Variants in AP1S3 observed in about 807,000 individuals in gnomAD.
AP1S3 encodes the protein adaptor related protein complex 1 subunit sigma 3.
In AP1S3, 10 loss-of-function variants were observed where a neutral mutation model predicts 20.9. The observed-to-expected ratio is 0.48, with a 90% CI of 0.29 to 0.81. AP1S3 has a LOEUF of 0.81. Ranked by LOEUF, AP1S3 falls within the 30% of genes least tolerant of loss-of-function variation. The probability of loss-of-function intolerance (pLI) is 0.08; values close to 1 mark genes in which losing one functional copy is unlikely to be tolerated. For synonymous variants in AP1S3, 41 were observed against 61.5 expected (o/e 0.67, Z 1.56); for missense variants, 154 against 183.8 (o/e 0.84, Z 0.94).
chr2:223,788,451 A>AGT (rs1574703924), intron 1 of AP1S3, among the ~76,000 whole-genome samples: 2 of 151,184 alleles, frequency 1.3e-5, no homozygotes, highest in African/African-American at 4.9e-5. Flanking sequence ...TGACTCTACT[A>AGT]AAACTACAAA....
chr2:223,819,839 T>G (rs1165808053), intron 1 of AP1S3, among the ~76,000 whole-genome samples: 3 of 152,136 alleles, frequency 2.0e-5, no homozygotes, highest in African/African-American at 7.2e-5. Flanking sequence ...TTATATTTTC[T>G]GCTTTTTGAA....
At chr2:223,768,628 G>A (rs1690537589) in intron 3 of AP1S3, among the ~76,000 whole-genome samples, 1 of 152,128 alleles carries the variant, frequency 6.6e-6, no homozygotes, top group African/African-American at 2.4e-5. Context: ...GCTGAGGCAG[G>A]CAGATCACTT....
intron 4 of AP1S3, among the ~76,000 whole-genome samples, chr2:223,759,767 C>T (rs983006755): frequency 1.3e-5 from 2 of 152,136 alleles, no homozygotes; most frequent in Admixed American, 6.5e-5. Flanking sequence ...TCTCCCTCCT[C>T]CCACCCTCCA....
chr2:223,800,908 G>A (rs1485597660), intron 1 of AP1S3, among the ~76,000 whole-genome samples: 2 of 152,146 alleles, frequency 1.3e-5, no homozygotes, highest in African/African-American at 2.4e-5. Flanking sequence ...AAGGCCCAGA[G>A]ACCTGGTGAT....
At chr2:223,769,736 A>ATTTTTTTT (rs61207667) in intron 3 of AP1S3, among the ~76,000 whole-genome samples, 2 of 80,122 alleles carry the variant, frequency 2.5e-5, no homozygotes, top group Non-Finnish European at 4.5e-5. Context: ...ATGCAATCCC[A>ATTTTTTTT]TTTTTTTTTT....
intron 1 of AP1S3, among the ~76,000 whole-genome samples, chr2:223,823,612 T>C (rs1221520042): frequency 6.6e-6 from 1 of 152,130 alleles, no homozygotes; most frequent in Admixed American, 6.6e-5. Context: ...TGAGGAGATA[T>C]TGGTTGAAGG....
chr2:223,801,827 C>T (rs1691474081), intron 1 of AP1S3, among the ~76,000 whole-genome samples: 1 of 152,046 alleles, frequency 6.6e-6, no homozygotes. Context: ...AGCAGAGAGG[C>T]CAAAAGGCCT....
chr2:223,795,064 A>G (rs879519715), intron 1 of AP1S3, among the ~76,000 whole-genome samples: 1 of 152,188 alleles, frequency 6.6e-6, no homozygotes, highest in Non-Finnish European at 1.5e-5. Context: ...AGGCTGACCA[A>G]TATGGAGAAA....
At chr2:223,778,346 G>A (rs559992159) in intron 1 of AP1S3, among the ~76,000 whole-genome samples, 2 of 151,770 alleles carry the variant, frequency 1.3e-5, no homozygotes, top group East Asian at 1.9e-4. Context: ...GGCTGGTCTC[G>A]AACTCCTGAC....
At chr2:223,804,745 A>G (rs962160088) in intron 1 of AP1S3, among the ~76,000 whole-genome samples, 1 of 152,106 alleles carries the variant, frequency 6.6e-6, no homozygotes, top group Admixed American at 6.6e-5. Flanking sequence ...GTTTCTAGAA[A>G]TTACTAGAAT....
At chr2:223,791,486 C>T (rs1691216414) in intron 1 of AP1S3, among the ~76,000 whole-genome samples, 1 of 152,168 alleles carries the variant, frequency 6.6e-6, no homozygotes. Context: ...TTCAACATCC[C>T]TTCATGTTAA....
chr2:223,776,905 C>T (rs1327023531), intron 2 of AP1S3, among the ~76,000 whole-genome samples: 1 of 152,188 alleles, frequency 6.6e-6, no homozygotes, highest in Non-Finnish European at 1.5e-5. Context: ...GTACTCATTA[C>T]AAATTCAAGT....
At chr2:223,761,583 C>T (rs1206846731) in intron 4 of AP1S3, among the ~76,000 whole-genome samples, 1 of 152,162 alleles carries the variant, frequency 6.6e-6, no homozygotes, top group Non-Finnish European at 1.5e-5. Context: ...CACCACCATG[C>T]CTGGCTAATT....
chr2:223,819,244 G>A (rs1257039064), intron 1 of AP1S3, among the ~76,000 whole-genome samples: 3 of 152,158 alleles, frequency 2.0e-5, no homozygotes, highest in Non-Finnish European at 4.4e-5. Context: ...TAACATCTTT[G>A]ATTTCAAACA....
intron 1 of AP1S3, among the ~76,000 whole-genome samples, chr2:223,815,123 G>T (rs146898136): frequency 6.6e-6 from 1 of 152,240 alleles, no homozygotes; most frequent in African/African-American, 2.4e-5. Flanking sequence ...TTAGACTTTC[G>T]ATTGATTTTA....
chr2:223,833,123 C>T (rs1692315379), intron 1 of AP1S3, among the ~76,000 whole-genome samples: 1 of 152,098 alleles, frequency 6.6e-6, no homozygotes, highest in Non-Finnish European at 1.5e-5. Context: ...GTCACCTCAA[C>T]TTTTCAGAAG....
intron 1 of AP1S3, among the ~76,000 whole-genome samples, chr2:223,781,737 G>C (rs958962111): frequency 3.3e-5 from 5 of 152,044 alleles, no homozygotes; most frequent in Admixed American, 1.3e-4. Flanking sequence ...ACAAAGAATA[G>C]GGCTCAGCAT....
intron 3 of AP1S3, among the ~76,000 whole-genome samples, chr2:223,767,532 G>A (rs1690513476): frequency 6.6e-6 from 1 of 151,638 alleles, no homozygotes; most frequent in South Asian, 2.1e-4. Flanking sequence ...GTTCCTCAAG[G>A]GAGCCTCTTC....
intron 3 of AP1S3, chr2:223,770,130 C>T: frequency 6.6e-7 from 1 of 1,512,356 alleles, no homozygotes; most frequent in Non-Finnish European, 8.8e-7. Flanking sequence ...TAGAAAGAAA[C>T]AAAAAGAAAT....
Sources: gnomAD v4.1 joint callset for allele counts (sites outside exome capture counted in the v4.1 genomes callset) on GRCh38, gnomAD v4.1.1 for gene constraint, MANE v1.5 for transcripts, NCBI Gene and HGNC (gene_info 2026-07-23, HGNC 2026-07-21) for gene names.